Variants in CCDC7 observed in about 807,000 individuals in gnomAD.
The protein encoded by CCDC7 is coiled-coil domain containing 7.
A neutral mutation model predicts 196.9 loss-of-function variants in CCDC7; 183 were observed. The observed-to-expected ratio is 0.93, with a 90% CI of 0.82 to 1.05. The LOEUF (loss-of-function observed/expected upper bound fraction) is 1.05, where lower values mean the gene tolerates loss of function less well. Ranked by LOEUF, CCDC7 falls within the 50% of genes least tolerant of loss-of-function variation. CCDC7 has a pLI of 0.00. For missense variants in CCDC7, 1,540 were observed against 1,482.2 expected (o/e 1.04, Z -0.64); for synonymous variants, 525 against 484.6 (o/e 1.08, Z -1.10).
chr10:32,834,780 TC>T lies in CCDC7; in HGVS notation c.3269-34del, dbSNP rs764677234. ...ACGGACATATGTTACAATTTACCTTTCAAAGCGTTTTGAAAACCTGTTTTAT... is the reference window on the plus strand; with the variant it reads ...ACGGACATATGTTACAATTTACCTTTAAAGCGTTTTGAAAACCTGTTTTAT... On this transcript the variant is annotated intron_variant, in intron 32 of 41. Coordinates refer to ENST00000639629, the Ensembl canonical transcript of CCDC7. 6.2e-6 allele frequency: 6 copies of T among 968,394 alleles called. No homozygotes were observed. The African/African-American group carries it at 7.9e-5, about 13-fold the overall frequency. 60.0% of individuals were successfully genotyped at this position (968,394 alleles called of 1,614,324 possible). A position where few individuals can be genotyped will look rare whatever the true frequency, so the allele number is the denominator to read the frequency against.
At chr10:32,703,627 T>C (rs572363554) in intron 24 of CCDC7, among the ~76,000 whole-genome samples, 2 of 152,258 alleles carry the variant, frequency 1.3e-5, no homozygotes, top group East Asian at 3.9e-4. Context: ...CTTGGTTCCA[T>C]TCACCCCTTC....
chr10:32,675,277 AC>A (rs2074739565), intron 21 of CCDC7, among the ~76,000 whole-genome samples: 1 of 143,162 alleles, frequency 7.0e-6, no homozygotes, highest in African/African-American at 2.7e-5. Context: ...CTTTACGATT[AC>A]CATGAGGTTT....
intron 8 of CCDC7, among the ~76,000 whole-genome samples, chr10:32,485,228 A>G (rs2040801959): frequency 6.6e-6 from 1 of 151,710 alleles, no homozygotes; most frequent in African/African-American, 2.4e-5. Flanking sequence ...TAGTCTTGGG[A>G]CGGTGTGTCG....
At chr10:32,581,043 G>T (rs1290303397) in intron 16 of CCDC7, among the ~76,000 whole-genome samples, 6 of 152,072 alleles carry the variant, frequency 3.9e-5, no homozygotes, top group Admixed American at 3.9e-4. Context: ...GTAAGAAAAG[G>T]ATGCAATGCT....
At chr10:32,683,118 T>C (rs1370606622) in intron 21 of CCDC7, among the ~76,000 whole-genome samples, 5 of 152,196 alleles carry the variant, frequency 3.3e-5, no homozygotes, top group Admixed American at 3.3e-4. Context: ...CAGAGTTTTA[T>C]ATTTTTGAAT....
intron 28 of CCDC7, among the ~76,000 whole-genome samples, chr10:32,758,294 C>CA (rs1309293193): frequency 1.3e-5 from 2 of 151,908 alleles, no homozygotes; most frequent in Non-Finnish European, 2.9e-5. Flanking sequence ...AGAGACACAA[C>CA]AAAAAAAGAG....
chr10:32,461,721 A>G (rs1276345730), intron 3 of CCDC7, among the ~76,000 whole-genome samples: 760 of 23,950 alleles, frequency 0.032, 2 homozygotes, highest in Non-Finnish European at 0.056. Context: ...ATATATATAT[A>G]TATATATATG....
intron 9 of CCDC7, among the ~76,000 whole-genome samples, chr10:32,516,887 A>G (rs564333338): frequency 3.9e-4 from 59 of 152,382 alleles, no homozygotes; most frequent in African/African-American, 1.2e-3. Context: ...AGCATTATTC[A>G]TAATGGCAGA....
chr10:32,547,152 G>A (rs2052612941), intron 13 of CCDC7, among the ~76,000 whole-genome samples: 1 of 152,012 alleles, frequency 6.6e-6, no homozygotes, highest in African/African-American at 2.4e-5. Context: ...CAGGTATCTA[G>A]GACTACAGGC....
chr10:32,526,946 T>C (rs569305471), intron 11 of CCDC7, among the ~76,000 whole-genome samples: 1 of 152,170 alleles, frequency 6.6e-6, no homozygotes, highest in South Asian at 2.1e-4. Flanking sequence ...CCAAGTTTAC[T>C]GGCTTTAAGC....
chr10:32,480,105 A>G (rs1217227946), intron 8 of CCDC7, among the ~76,000 whole-genome samples: 1 of 151,962 alleles, frequency 6.6e-6, no homozygotes, highest in African/African-American at 2.4e-5. Flanking sequence ...TAGTCCAGCT[A>G]AAGTCTTGTC....
chr10:32,711,857 C>G (rs1201042652), intron 25 of CCDC7, 127 bp downstream of exon 26: 3 of 464,756 alleles, frequency 6.5e-6, no homozygotes, highest in Non-Finnish European at 1.1e-5. Flanking sequence ...TGTAAATACT[C>G]TAACATAACT....
intron 13 of CCDC7, among the ~76,000 whole-genome samples, chr10:32,560,233 G>C (rs2055211297): frequency 6.6e-6 from 1 of 152,226 alleles, no homozygotes; most frequent in South Asian, 2.1e-4. Flanking sequence ...ATGGAACCAA[G>C]TTGGAAAACA....
At chr10:32,725,674 G>A (rs2083017527) in intron 25 of CCDC7, among the ~76,000 whole-genome samples, 1 of 152,058 alleles carries the variant, frequency 6.6e-6, no homozygotes, top group African/African-American at 2.4e-5. Context: ...TTTAGCTATG[G>A]TGGAAGGGAA....
intron 11 of CCDC7, among the ~76,000 whole-genome samples, chr10:32,527,539 A>G (rs2048870518): frequency 2.0e-5 from 3 of 152,114 alleles, no homozygotes; most frequent in South Asian, 4.2e-4. Flanking sequence ...TTTCTGCTTC[A>G]CTCTTCACTT....
chr10:32,637,235 T>G (rs1381633898), intron 20 of CCDC7, among the ~76,000 whole-genome samples: 1 of 152,214 alleles, frequency 6.6e-6, no homozygotes, highest in East Asian at 1.9e-4. Context: ...TTAGTTTAAT[T>G]AGATCCTATT....
intron 28 of CCDC7, among the ~76,000 whole-genome samples, chr10:32,738,560 G>A (rs1181654801): frequency 7.2e-6 from 1 of 138,718 alleles, no homozygotes; most frequent in Non-Finnish European, 1.5e-5. Context: ...CTACAGCCTC[G>A]ACCTCCTGGG....
intron 20 of CCDC7, among the ~76,000 whole-genome samples, chr10:32,652,013 T>C (rs1223680867): frequency 6.6e-6 from 1 of 152,166 alleles, no homozygotes; most frequent in East Asian, 1.9e-4. Flanking sequence ...GAAAGTGTAG[T>C]GTTGAATTCC....
At chr10:32,526,488 T>G (rs1255583595) in intron 11 of CCDC7, among the ~76,000 whole-genome samples, 1 of 152,114 alleles carries the variant, frequency 6.6e-6, no homozygotes. Flanking sequence ...AGAAGGAGTC[T>G]TTCACCATAA....
Sources: gnomAD v4.1 joint callset for allele counts (sites outside exome capture counted in the v4.1 genomes callset) on GRCh38, gnomAD v4.1.1 for gene constraint, MANE v1.5 for transcripts, NCBI Gene and HGNC (gene_info 2026-07-23, HGNC 2026-07-21) for gene names.